GRID2: variants seen among roughly 807,000 people sequenced by gnomAD.
GRID2 encodes glutamate ionotropic receptor delta type subunit 2, also known as glutamate receptor ionotropic, delta-2.
In GRID2, 33 loss-of-function variants were observed where a neutral mutation model predicts 114.8. The observed-to-expected ratio is 0.29, with a 90% confidence interval of 0.22 to 0.38. The LOEUF (loss-of-function observed/expected upper bound fraction) is 0.38. Among genes scored for constraint, GRID2 ranks in the 10% least tolerant of loss-of-function variants. The probability of loss-of-function intolerance (pLI) is 1.00; values close to 1 mark genes in which losing one functional copy is unlikely to be tolerated. For missense variants in GRID2, 1,184 were observed against 1,257.7 expected, an observed-to-expected ratio of 0.94 and a Z score of 0.89; for synonymous variants, 505 against 449.9, an observed-to-expected ratio of 1.12 and a Z score of -1.55.
intron 14 of GRID2, among the ~76,000 whole-genome samples, chr4:93,669,523 A>C (rs1041622631): frequency 6.6e-6 from 1 of 152,142 alleles, no homozygotes; most frequent in Non-Finnish European, 1.5e-5. Flanking sequence ...TACTGAAGTT[A>C]ACTAATGTCA....
intron 4 of GRID2, among the ~76,000 whole-genome samples, chr4:93,189,205 A>G (rs555732796): frequency 6.6e-6 from 1 of 152,296 alleles, no homozygotes; most frequent in South Asian, 2.1e-4. Flanking sequence ...TGCTGTAACA[A>G]GATACTTTAG....
chr4:92,440,787 G>A (rs1031247264), intron 1 of GRID2, among the ~76,000 whole-genome samples: 2 of 152,108 alleles, frequency 1.3e-5, no homozygotes, highest in Admixed American at 6.6e-5. Context: ...TGAATGTCAG[G>A]TGGATCAGAG....
chr4:93,110,768 T>C lies in GRID2; in HGVS notation c.550T>C (p.Phe184Leu). The C allele has an allele frequency of 1.9e-6, 3 of 1,611,494 alleles. No homozygotes were observed. Among genetic ancestry groups the C allele is most frequent in the Non-Finnish European group, 2.5e-6 (3 of 1,177,666 alleles). The change falls in exon 4 of 16, where the codon TTC becomes CTC. Residue 184 changes from phenylalanine to leucine, a missense_variant. This residue lies in a region of GRID2 where 455 missense variants were observed against 429.5 expected (regional missense o/e 1.06). Transcript: ENST00000282020. ...TCCAGATATCCGTGGAATACAGGAGTTCTTGGACAAAGTCTCTCAGCAGGG... is the reference window on the plus strand; with the variant it reads ...TCCAGATATCCGTGGAATACAGGAGCTCTTGGACAAAGTCTCTCAGCAGGG... Reference protein sequence around the residue: ...SEYDIRGIQEFLDKVSQQGMD... With the variant: ...SEYDIRGIQELLDKVSQQGMD...
chr4:92,692,293 C>G (rs563127705), intron 2 of GRID2, among the ~76,000 whole-genome samples: 1 of 152,092 alleles, frequency 6.6e-6, no homozygotes, highest in Non-Finnish European at 1.5e-5. Context: ...TACACTGTAG[C>G]ACCTTGTCAT....
At chr4:93,200,432 A>G (rs986390409) in intron 4 of GRID2, among the ~76,000 whole-genome samples, 29 of 150,540 alleles carry the variant, frequency 1.9e-4, no homozygotes, top group Non-Finnish European at 3.4e-4. Context: ...CGGGCGTGGT[A>G]GCGGGCGCCT....
chr4:93,525,072 T>G (rs1481861061), intron 13 of GRID2, among the ~76,000 whole-genome samples: 2 of 151,938 alleles, frequency 1.3e-5, no homozygotes, highest in Non-Finnish European at 2.9e-5. Flanking sequence ...ACTCATTCCT[T>G]TAATCAACAA....
intron 2 of GRID2, among the ~76,000 whole-genome samples, chr4:92,762,225 T>C (rs1738053211): frequency 6.6e-6 from 1 of 152,108 alleles, no homozygotes; most frequent in Non-Finnish European, 1.5e-5. Context: ...TGCTAGGTTT[T>C]AACTGTACTT....
At chr4:92,438,485 A>G (rs933195015) in intron 1 of GRID2, among the ~76,000 whole-genome samples, 1 of 151,984 alleles carries the variant, frequency 6.6e-6, no homozygotes, top group South Asian at 2.1e-4. Flanking sequence ...TTAATAGTGT[A>G]TATGTGATGA....
At chr4:92,720,441 G>A (rs994023595) in intron 2 of GRID2, among the ~76,000 whole-genome samples, 8 of 151,812 alleles carry the variant, frequency 5.3e-5, no homozygotes, top group Non-Finnish European at 1.2e-4. Flanking sequence ...CAGAAATTCA[G>A]CCAAATACTA....
At chr4:93,795,737 C>T (rs1489386141) in intron 1 of GRID2, among the ~76,000 whole-genome samples, 2 of 152,080 alleles carry the variant, frequency 1.3e-5, no homozygotes, top group Admixed American at 1.3e-4. Context: ...GTTATTTACA[C>T]AGGAATATGT....
chr4:93,648,543 A>G (rs918757806), intron 14 of GRID2, among the ~76,000 whole-genome samples: 1 of 152,186 alleles, frequency 6.6e-6, no homozygotes, highest in Non-Finnish European at 1.5e-5. Flanking sequence ...GAGAATAAAC[A>G]GCTGCTATAG....
intron 1 of GRID2, among the ~76,000 whole-genome samples, chr4:92,504,109 G>A (rs927797960): frequency 6.6e-6 from 1 of 152,040 alleles, no homozygotes; most frequent in African/African-American, 2.4e-5. Context: ...ATCACATTAG[G>A]GTGCTGATGT....
At chr4:93,758,558 T>C (rs1344566804) in intron 14 of GRID2, among the ~76,000 whole-genome samples, 2 of 152,200 alleles carry the variant, frequency 1.3e-5, no homozygotes, top group African/African-American at 4.8e-5. Flanking sequence ...AGGAAAATGT[T>C]TGTCTCTTCA....
At chr4:93,153,488 T>C (rs1736906453) in intron 4 of GRID2, among the ~76,000 whole-genome samples, 1 of 152,052 alleles carries the variant, frequency 6.6e-6, no homozygotes, top group Non-Finnish European at 1.5e-5. Flanking sequence ...TTCATCCTTT[T>C]CCTAAGCATG....
intron 8 of GRID2, chr4:93,259,033 A>C (rs886626907): frequency 6.6e-5 from 26 of 395,790 alleles, no homozygotes; most frequent in Non-Finnish European, 7.0e-5. Context: ...AAAGGGAAAA[A>C]AGATTAAAGA....
chr4:92,568,498 C>G (rs143131447), intron 1 of GRID2, among the ~76,000 whole-genome samples: 4 of 151,838 alleles, frequency 2.6e-5, no homozygotes, highest in Non-Finnish European at 4.4e-5. Context: ...ATTTTGGTGG[C>G]GGGAATGAGG....
chr4:93,306,372 CTA>C (rs1208600803), intron 8 of GRID2: 1 of 152,196 alleles, frequency 6.6e-6, no homozygotes, highest in Admixed American at 6.5e-5. Flanking sequence ...TTCCCCTACA[CTA>C]TGTTGGAAAT....
intron 1 of GRID2, among the ~76,000 whole-genome samples, chr4:92,550,020 T>A (rs1003888311): frequency 6.6e-6 from 1 of 152,152 alleles, no homozygotes; most frequent in Non-Finnish European, 1.5e-5. Flanking sequence ...AATTTTCAAA[T>A]GGAACCACTG....
At chr4:93,553,183 T>C (rs1301522096) in intron 13 of GRID2, among the ~76,000 whole-genome samples, 1 of 152,170 alleles carries the variant, frequency 6.6e-6, no homozygotes, top group African/African-American at 2.4e-5. Context: ...GTACTTCTAG[T>C]TCTAGATCCT....
Sources: allele counts gnomAD v4.1 joint callset (sites outside exome capture counted in the v4.1 genomes callset), GRCh38; gene constraint gnomAD v4.1.1; regional missense constraint gnomAD v4.1.1; transcripts MANE v1.5; gene names NCBI Gene and HGNC (gene_info 2026-07-23, HGNC 2026-07-21).